TRIM9: variants seen among roughly 807,000 people sequenced by gnomAD.
TRIM9 encodes tripartite motif containing 9.
In TRIM9, 26 loss-of-function variants were observed where a neutral mutation model predicts 78.3. The ratio of observed to expected loss-of-function variants is 0.33; its 90% CI spans 0.24 to 0.46. The LOEUF (loss-of-function observed/expected upper bound fraction) is 0.46, where lower values mean the gene tolerates loss of function less well. Among genes scored for constraint, TRIM9 ranks in the 20% least tolerant of loss-of-function variants. The pLI, the probability that TRIM9 is intolerant of heterozygous loss-of-function variation, is 1.00. For synonymous variants in TRIM9, 398 were observed against 416.5 expected, an observed-to-expected ratio of 0.96 and a Z score of 0.54; for missense variants, 787 against 1,036.4, an observed-to-expected ratio of 0.76 and a Z score of 3.30.
intron 1 of TRIM9, among the ~76,000 whole-genome samples, chr14:51,053,301 T>TA (rs1398853656): frequency 3.3e-5 from 5 of 151,976 alleles, no homozygotes; most frequent in Admixed American, 3.3e-4. Context: ...TTAATGATAA[T>TA]AAAATGAGTT....
chr14:51,074,069 A>G (rs552222784), intron 1 of TRIM9, among the ~76,000 whole-genome samples: 1 of 152,306 alleles, frequency 6.6e-6, no homozygotes. Flanking sequence ...AGACAAAAAC[A>G]AAACAATCAC....
Position 51,035,583 on chromosome 14 carries a change from G to A in TRIM9, c.823-10223C>T, listed in dbSNP as rs538998556. On this transcript the variant is annotated intron_variant, in intron 1 of 12. Coordinates refer to ENST00000684578, the MANE Select transcript of TRIM9 (RefSeq NM_001387360.1). ...AAACTGTTTTGCTTATCTTAAAACT[G>A]TTCCCTGGTAGTTTCAGACAAAGGA... Among the ~76,000 whole-genome samples, 3 of 152,302 alleles carry A rather than the reference G, an allele frequency of 2.0e-5. No homozygotes were observed. The South Asian group carries it at 6.2e-4, about 32-fold the overall frequency.
intron 1 of TRIM9, among the ~76,000 whole-genome samples, chr14:51,029,653 G>T (rs2058559805): frequency 6.6e-6 from 1 of 152,176 alleles, no homozygotes; most frequent in South Asian, 2.1e-4. Flanking sequence ...ATAATTGTAA[G>T]CAAGAAATTC....
At chr14:51,085,067 G>A (rs969391874) in intron 1 of TRIM9, among the ~76,000 whole-genome samples, 7 of 152,194 alleles carry the variant, frequency 4.6e-5, no homozygotes, top group South Asian at 4.1e-4. Context: ...GATAGACAGC[G>A]CAGGCCAGAA....
chr14:51,056,237 T>C (rs4617764), intron 1 of TRIM9, among the ~76,000 whole-genome samples: 75,287 of 152,100 alleles, frequency 0.49, 19,145 homozygotes, highest in African/African-American at 0.58. Flanking sequence ...AATTGGTCTA[T>C]AATCAGCAAT....
chr14:50,988,715 T>C (rs1027639179), intron 7 of TRIM9, among the ~76,000 whole-genome samples: 15 of 152,124 alleles, frequency 9.9e-5, no homozygotes, highest in African/African-American at 3.6e-4. Context: ...TCAAATGAAT[T>C]ACAAGAGAGA....
chr14:50,983,700 C>T (rs959094108), intron 8 of TRIM9, among the ~76,000 whole-genome samples: 3 of 152,180 alleles, frequency 2.0e-5, no homozygotes, highest in African/African-American at 7.2e-5. Context: ...ATCTTTTCCT[C>T]TAAAGTTTCC....
intron 6 of TRIM9, among the ~76,000 whole-genome samples, 168 bp downstream of exon 6, chr14:51,000,514 AC>A (rs1355319702): frequency 6.6e-6 from 1 of 152,178 alleles, no homozygotes; most frequent in East Asian, 1.9e-4. Context: ...TGCTCCATCC[AC>A]CTTCACGGTA....
chr14:51,063,245 G>C (rs1429516854), intron 1 of TRIM9, among the ~76,000 whole-genome samples: 1 of 152,110 alleles, frequency 6.6e-6, no homozygotes, highest in African/African-American at 2.4e-5. Context: ...CAATATACTG[G>C]AGTAGGCGGA....
At chr14:51,026,944 T>A (rs4551942) in intron 1 of TRIM9, among the ~76,000 whole-genome samples, 77,383 of 151,846 alleles carry the variant, frequency 0.51, 20,275 homozygotes, top group South Asian at 0.68. Flanking sequence ...TTCTGAATTC[T>A]GAAATGCTGC....
chr14:51,091,761 C>T (rs898787543), intron 1 of TRIM9, among the ~76,000 whole-genome samples: 3 of 152,010 alleles, frequency 2.0e-5, no homozygotes, highest in Non-Finnish European at 2.9e-5. Context: ...TGCAAAAGAT[C>T]AGAGAATAAA....
At chr14:51,020,107 C>T (rs1020404344) in intron 3 of TRIM9, among the ~76,000 whole-genome samples, 4 of 152,034 alleles carry the variant, frequency 2.6e-5, no homozygotes, top group Admixed American at 6.6e-5. Context: ...CAAAGGGAAG[C>T]GGAAGAACAT....
chr14:50,981,810 G>A lies in TRIM9; in HGVS notation c.2152C>T (p.His718Tyr). ...NRSWFMHNNS[H>Y]TNRTEGGITK... is the part of the protein sequence containing the mutation. ...GGGGCTGCAGGGTACCTGTTGGTGT[G>A]CGAGTTGTTGTGCATGAACCAGCTC... The change falls in exon 11 of 13, where the codon CAC (histidine) becomes TAC (tyrosine). Residue 718 changes from histidine to tyrosine, a missense_variant. Physicochemically the swap from His to Tyr is moderately conservative, Grantham distance 83. Around this residue, in one of 3 missense-constraint regions of TRIM9, gnomAD observed 421 missense variants for 514.3 expected, o/e 0.82. Transcript: ENST00000684578. 6.2e-7 allele frequency: 1 copy of A among 1,614,120 alleles called. No individual in the cohort carries two copies. The highest frequency in any genetic ancestry group is 2.2e-5 in the East Asian group (1 of 44,882).
At chr14:50,981,689 C>A (rs753000319) in intron 11 of TRIM9, 111 bp downstream of exon 11, 89 of 1,396,502 alleles carry the variant, frequency 6.4e-5, no homozygotes, top group Non-Finnish European at 8.6e-5. Flanking sequence ...TAATGTAGAC[C>A]ACCTGTTTGA....
At chr14:51,061,594 C>A (rs1324702625) in intron 1 of TRIM9, among the ~76,000 whole-genome samples, 2 of 151,950 alleles carry the variant, frequency 1.3e-5, no homozygotes, top group African/African-American at 4.8e-5. Context: ...TTGCTCATTC[C>A]AAACTGAAAA....
At chr14:51,080,619 G>C (rs1244138686) in intron 1 of TRIM9, among the ~76,000 whole-genome samples, 1 of 152,180 alleles carries the variant, frequency 6.6e-6, no homozygotes, top group Non-Finnish European at 1.5e-5. Context: ...GCAGAGGGTT[G>C]AGCAAATGAT....
At chr14:50,989,736 CTA>C (rs1223394270) in intron 7 of TRIM9, among the ~76,000 whole-genome samples, 1 of 152,168 alleles carries the variant, frequency 6.6e-6, no homozygotes, top group Non-Finnish European at 1.5e-5. Flanking sequence ...AACTATAACT[CTA>C]GGACGGGACT....
intron 1 of TRIM9, among the ~76,000 whole-genome samples, chr14:51,064,277 T>C (rs1486833735): frequency 6.6e-6 from 1 of 151,952 alleles, no homozygotes; most frequent in Non-Finnish European, 1.5e-5. Flanking sequence ...AAATTGTAAC[T>C]AAATACTCAA....
At chr14:50,986,309 G>T in intron 7 of TRIM9, 165 bp from the exon 8 acceptor site, 1 of 508,398 alleles carries the variant, frequency 2.0e-6, no homozygotes, top group Non-Finnish European at 3.1e-6. Context: ...GGGGCAGGGA[G>T]GGAATTTTCG....
Sources: gnomAD v4.1 joint callset for allele counts (sites outside exome capture counted in the v4.1 genomes callset) on GRCh38, gnomAD v4.1.1 for gene constraint, gnomAD v4.1.1 regional missense constraint, MANE v1.5 for transcripts, NCBI Gene and HGNC (gene_info 2026-07-23, HGNC 2026-07-21) for gene names.